The following MYO10 variants were observed in gnomAD, a reference collection of about 807,000 sequenced individuals.
MYO10 encodes unconventional myosin-X.
A neutral mutation model predicts 257.3 loss-of-function variants in MYO10; 133 were observed. That is an observed-to-expected ratio of 0.52 (90% CI 0.45 to 0.60). The LOEUF (loss-of-function observed/expected upper bound fraction) is 0.60. Among genes scored for constraint, MYO10 ranks in the 20% least tolerant of loss-of-function variants. MYO10 has a pLI of 0.00. For synonymous variants in MYO10, 1,104 were observed against 1,028.6 expected (o/e 1.07, Z -1.40); for missense variants, 2,399 against 2,635.7 (o/e 0.91, Z 1.97).
intron 1 of MYO10, among the ~76,000 whole-genome samples, chr5:16,916,865 A>C (rs77446794): frequency 0.069 from 10,540 of 152,274 alleles, 429 homozygotes; most frequent in African/African-American, 0.11. Flanking sequence ...GGTTGGTAAC[A>C]AAAATGTTGG....
chr5:16,713,962 G>A lies in MYO10; in HGVS notation c.1930-2717C>T, dbSNP rs920566560. On this transcript the variant is annotated intron_variant, in intron 19 of 40. Coordinates refer to ENST00000513610, the MANE Select transcript of MYO10 (RefSeq NM_012334.3). ...GCGACAAATAGGTTGGAGTTTGGAA[G>A]AAACAGCCTCTAACCAGGGCAATTA... Among the ~76,000 whole-genome samples, 86 of 152,174 alleles carry A rather than the reference G, an allele frequency of 5.7e-4. 2 individuals carry two copies. Among genetic ancestry groups the A allele is most frequent in the African/African-American group, 2.1e-3 (85 of 41,444 alleles).
intron 3 of MYO10, among the ~76,000 whole-genome samples, chr5:16,809,566 G>C (rs1233290128): frequency 6.6e-6 from 1 of 152,216 alleles, no homozygotes; most frequent in East Asian, 1.9e-4. Context: ...TCTGGCTGAT[G>C]CCTGCTAACA....
chr5:16,803,182 T>C (rs1275750970), intron 3 of MYO10, among the ~76,000 whole-genome samples: 1 of 152,106 alleles, frequency 6.6e-6, no homozygotes, highest in African/African-American at 2.4e-5. Context: ...TCCCAGCAGT[T>C]TGGGAGGCCG....
Position 16,665,581 on chromosome 5 carries a change from C to G in MYO10, c.*1111G>C, listed in dbSNP as rs1313092950. 2 of 152,086 alleles carry G rather than the reference C, an allele frequency of 1.3e-5. No individual in the cohort carries two copies. The highest frequency in any genetic ancestry group is 4.8e-5 in the African/African-American group (2 of 41,456). 9.4% of individuals were successfully genotyped at this position (152,086 alleles called of 1,614,324 possible). ...AGCCTCAGCATTTAATGTCAGGGTC[C>G]TTTGAAGATTCACTCAAGTGTTAAG... On this transcript the variant is annotated 3_prime_UTR_variant, in exon 41 of 41. Transcript: ENST00000513610.
Position 16,671,495 on chromosome 5 carries a change from A to C in MYO10, c.5357T>G (p.Phe1786Cys), listed in dbSNP as rs368604684. ...EVGDLPWKFY[F>C]KLYCFLDTDN... ...TGTGTCCAGGAAGCAGTAAAGTTTGAAGTAGAATTTCCATGGCAGGTCCCC... is the reference window on the plus strand; with the variant it reads ...TGTGTCCAGGAAGCAGTAAAGTTTGCAGTAGAATTTCCATGGCAGGTCCCC... The change falls in exon 38 of 41, where the codon TTC becomes TGC. Residue 1786 changes from phenylalanine to cysteine, a missense_variant. By Grantham distance (205) the Phe-to-Cys change is radical. Around this residue, in one of 3 missense-constraint regions of MYO10, gnomAD observed 1,820 missense variants for 1,939.4 expected, o/e 0.94. Transcript: ENST00000513610. The C allele has an allele frequency of 2.5e-6, 4 of 1,613,884 alleles. No individual in the cohort carries two copies. Among genetic ancestry groups the C allele is most frequent in the Non-Finnish European group, 3.4e-6 (4 of 1,179,882 alleles).
chr5:16,758,429 G>C (rs1244987199), intron 17 of MYO10, among the ~76,000 whole-genome samples: 2 of 152,172 alleles, frequency 1.3e-5, no homozygotes, highest in Admixed American at 1.3e-4. Flanking sequence ...CAGTGTCAGA[G>C]ACCAGAGTCT....
chr5:16,843,983 C>A (rs1258877403), intron 2 of MYO10, among the ~76,000 whole-genome samples: 1 of 152,182 alleles, frequency 6.6e-6, no homozygotes, highest in African/African-American at 2.4e-5. Flanking sequence ...TTTCTCCCAA[C>A]AAGCACAAAG....
intron 1 of MYO10, among the ~76,000 whole-genome samples, chr5:16,929,964 G>C (rs916952511): frequency 6.6e-6 from 1 of 151,968 alleles, no homozygotes; most frequent in Non-Finnish European, 1.5e-5. Context: ...TCCCCTTCCC[G>C]CCATAAAATA....
chr5:16,679,674 G>A (rs115101329), intron 33 of MYO10, among the ~76,000 whole-genome samples: 3,728 of 152,000 alleles, frequency 0.025, 165 homozygotes, highest in African/African-American at 0.083. Context: ...ACAGGAATGC[G>A]TCACTACACC....
chr5:16,667,652 G>C (rs26316), intron 40 of MYO10, among the ~76,000 whole-genome samples: 68,021 of 151,280 alleles, frequency 0.45, 15,462 homozygotes, highest in Non-Finnish European at 0.49. Context: ...CCTCCAAGCA[G>C]CTGGAACGCC....
Position 16,914,426 on chromosome 5 carries a change from G to T in MYO10, c.21+21362C>A, listed in dbSNP as rs760251278. Among the ~76,000 whole-genome samples the T allele has an allele frequency of 2.0e-5, 3 of 152,160 alleles. No individual in the cohort carries two copies. In the South Asian group the frequency reaches 6.2e-4, roughly 31 times the overall value. ...ACATGCGTTATCAGTATCAGATAGCGGTCAGCAGAACAGATCAATATGCCC... is the reference window on the plus strand; with the variant it reads ...ACATGCGTTATCAGTATCAGATAGCTGTCAGCAGAACAGATCAATATGCCC... On this transcript the variant is annotated intron_variant, in intron 1 of 40. Transcript: ENST00000513610.
At chr5:16,684,842 T>C (rs953452528) in intron 29 of MYO10, among the ~76,000 whole-genome samples, 1 of 151,712 alleles carries the variant, frequency 6.6e-6, no homozygotes, top group Admixed American at 6.6e-5. Context: ...AGCTCAGGAG[T>C]TCCAGACCAG....
At chr5:16,695,777 G>A (rs762027034) in intron 26 of MYO10, among the ~76,000 whole-genome samples, 13 of 132,450 alleles carry the variant, frequency 9.8e-5, no homozygotes, top group Non-Finnish European at 1.6e-4. Flanking sequence ...GATATTTAAA[G>A]TAAGTATAAT....
In MYO10 at chr5:16,743,789, T is replaced by C. The variant is rs181446263; in HGVS notation, c.1929+11039A>G. Among the ~76,000 whole-genome samples, 951 of 152,364 alleles carry C rather than the reference T, an allele frequency of 6.2e-3. 2 individuals carry two copies. Among genetic ancestry groups the C allele is most frequent in the Non-Finnish European group, 0.011 (726 of 68,040 alleles). On this transcript the variant is annotated intron_variant, in intron 19 of 40. Coordinates refer to ENST00000513610, the MANE Select transcript of MYO10 (RefSeq NM_012334.3). ...CATCTGGCATTTTGACACATGACAG[T>C]ACTTATTTGTCAAAAGTCAAAGAAC...
chr5:16,830,458 T>C (rs1743130545), intron 2 of MYO10, among the ~76,000 whole-genome samples: 1 of 152,074 alleles, frequency 6.6e-6, no homozygotes, highest in Non-Finnish European at 1.5e-5. Context: ...TAGAACGCTT[T>C]CTTGTTGCTT....
In MYO10 at chr5:16,681,981, C is replaced by T. The variant is rs1174983674; in HGVS notation, c.4079G>A (p.Arg1360Gln). The part of the protein sequence containing the change: ...PNSFVIITAN[R>Q]VLHCNADTPE... ...CGTGTCGGCGTTGCAGTGCAGCACC[C>T]GGTTGGCCGTGATGATCACAAACGA... Residue 1360 changes from arginine to glutamine, a missense_variant, in exon 31 of 41, where the codon CGG becomes CAG. Arg to Gln is a conservative substitution (Grantham distance 43). Coordinates refer to ENST00000513610, the MANE Select transcript of MYO10 (RefSeq NM_012334.3). 9 of 1,613,612 alleles carry T rather than the reference C, an allele frequency of 5.6e-6. No homozygotes were observed. Among genetic ancestry groups the T allele is most frequent in the East Asian group, 2.2e-5 (1 of 44,864 alleles).
intron 19 of MYO10, among the ~76,000 whole-genome samples, chr5:16,717,589 A>AT (rs1167797981): frequency 3.3e-5 from 5 of 152,240 alleles, no homozygotes; most frequent in Non-Finnish European, 7.3e-5. Flanking sequence ...ACTAGAGAAT[A>AT]AAGAAGAGCT....
At chr5:16,836,188 T>C (rs1278345830) in intron 2 of MYO10, among the ~76,000 whole-genome samples, 1 of 152,198 alleles carries the variant, frequency 6.6e-6, no homozygotes, top group African/African-American at 2.4e-5. Context: ...GATTCTTTCT[T>C]TCTGGTGATA....
In MYO10 at chr5:16,670,942, G is replaced by C. The variant is rs547027348; in HGVS notation, c.5467C>G (p.Pro1823Ala). The change falls in exon 39 of 41, where the codon CCG (proline) becomes GCG (alanine). Residue 1823 changes from proline (P) to alanine (A), a missense_variant. By Grantham distance (27) the Pro-to-Ala change is conservative (BLOSUM62 -1). Transcript: ENST00000513610. ...EAVIHGHHPA[P>A]EENLQVLAAL... ...GCAAGAACCTGGAGGTTTTCTTCCG[G>C]GGCTGGATGGTGGCCATGGATAACC... The C allele has an allele frequency of 3.9e-5, 63 of 1,612,644 alleles. No homozygotes were observed. The Middle Eastern group carries it at 9.9e-4, about 25-fold the overall frequency.
Sources: allele counts gnomAD v4.1 joint callset (sites outside exome capture counted in the v4.1 genomes callset), GRCh38; gene constraint gnomAD v4.1.1; regional missense constraint gnomAD v4.1.1; transcripts MANE v1.5; gene names NCBI Gene and HGNC (gene_info 2026-07-23, HGNC 2026-07-21).